Variants in LRFN2 observed in about 807,000 individuals in gnomAD.
LRFN2 encodes leucine rich repeat and fibronectin type III domain containing 2.
In LRFN2, 18 loss-of-function variants were observed where a neutral mutation model predicts 37.3. That is an observed-to-expected ratio of 0.48 (90% confidence interval 0.33 to 0.72). LRFN2 has a LOEUF of 0.72. Ranked by LOEUF, LRFN2 falls within the 30% of genes least tolerant of loss-of-function variation. The probability of loss-of-function intolerance (pLI) is 0.02; values close to 1 mark genes in which losing one functional copy is unlikely to be tolerated. For missense variants in LRFN2, 1,006 were observed against 1,060.7 expected (o/e 0.95, Z 0.72); for synonymous variants, 556 against 466.6 (o/e 1.19, Z -2.47).
At chr6:40,535,114 A>C (rs1581783117) in intron 1 of LRFN2, among the ~76,000 whole-genome samples, 1 of 152,288 alleles carries the variant, frequency 6.6e-6, no homozygotes, top group East Asian at 1.9e-4. Context: ...AGAAAGCAAG[A>C]TAAGGTCAAG....
At chr6:40,528,704 G>A (rs573585477) in intron 1 of LRFN2, among the ~76,000 whole-genome samples, 5 of 152,334 alleles carry the variant, frequency 3.3e-5, no homozygotes, top group African/African-American at 1.2e-4. Flanking sequence ...GTCTAGGAGT[G>A]TACTGAATGC....
At chr6:40,422,621 C>T (rs1289842950) in intron 2 of LRFN2, among the ~76,000 whole-genome samples, 1 of 152,142 alleles carries the variant, frequency 6.6e-6, no homozygotes, top group Non-Finnish European at 1.5e-5. Context: ...TGTGAATACG[C>T]ACACGCCTGG....
chr6:40,479,621 G>A (rs1474863734), intron 1 of LRFN2, among the ~76,000 whole-genome samples: 1 of 152,180 alleles, frequency 6.6e-6, no homozygotes, highest in Non-Finnish European at 1.5e-5. Flanking sequence ...AATCCTGAGT[G>A]GGTTTTGCTA....
intron 2 of LRFN2, among the ~76,000 whole-genome samples, chr6:40,418,238 C>T (rs977310032): frequency 7.9e-5 from 12 of 152,282 alleles, no homozygotes; most frequent in Middle Eastern, 3.4e-3. Context: ...CTGCCTGACT[C>T]TTTCACTCCA....
intron 1 of LRFN2, among the ~76,000 whole-genome samples, chr6:40,497,414 G>A (rs561864612): frequency 1.3e-5 from 2 of 152,196 alleles, no homozygotes; most frequent in South Asian, 4.2e-4. Context: ...TCTCTTCTGT[G>A]AGCCTTCCCT....
chr6:40,402,259 A>ATCCTGCCTCAG (rs1332863826), intron 2 of LRFN2, among the ~76,000 whole-genome samples: 1 of 152,218 alleles, frequency 6.6e-6, no homozygotes. Context: ...CCCTTATTAC[A>ATCCTGCCTCAG]GATGAAGAAA....
intron 1 of LRFN2, among the ~76,000 whole-genome samples, chr6:40,524,823 C>A (rs765212236): frequency 6.6e-6 from 1 of 152,190 alleles, no homozygotes; most frequent in Non-Finnish European, 1.5e-5. Flanking sequence ...ACCTCCACCC[C>A]CTGACCTCCA....
intron 1 of LRFN2, among the ~76,000 whole-genome samples, chr6:40,477,859 C>T (rs898613983): frequency 2.6e-5 from 4 of 152,182 alleles, no homozygotes; most frequent in Non-Finnish European, 5.9e-5. Flanking sequence ...AGAGACCCGA[C>T]GCTCCTCTCC....
At chr6:40,531,923 G>A (rs953102201) in intron 1 of LRFN2, among the ~76,000 whole-genome samples, 2 of 152,176 alleles carry the variant, frequency 1.3e-5, no homozygotes, top group Admixed American at 6.5e-5. Context: ...GGCACCTAAA[G>A]CAGTCTCCGT....
intron 1 of LRFN2, among the ~76,000 whole-genome samples, chr6:40,433,569 G>T (rs1763569228): frequency 6.6e-6 from 1 of 152,132 alleles, no homozygotes; most frequent in African/African-American, 2.4e-5. Context: ...CATATCATTG[G>T]CTTATCCAAT....
rs182064736 is a variant in LRFN2, at chr6:40,490,444, C to G, written c.-18-57313G>C. 2.0e-5 allele frequency among the ~76,000 whole-genome samples: 3 copies of G among 152,234 alleles called. No homozygotes were observed. In the East Asian group the frequency reaches 5.8e-4, roughly 30 times the overall value. On this transcript the variant is annotated intron_variant, in intron 1 of 2. Transcript: ENST00000338305. ...GGCTCAGGGCTCACCATGCAGCCAC[C>G]CTCAGAGCCCTGTGGCCCCCAGAGC...
chr6:40,474,252 G>T (rs761610703), intron 1 of LRFN2, among the ~76,000 whole-genome samples: 4 of 152,186 alleles, frequency 2.6e-5, no homozygotes, highest in Non-Finnish European at 5.9e-5. Context: ...AAATGAAGGT[G>T]TCAGCAGGCC....
intron 1 of LRFN2, among the ~76,000 whole-genome samples, chr6:40,575,110 C>A (rs1333554371): frequency 6.6e-6 from 1 of 152,148 alleles, no homozygotes; most frequent in Non-Finnish European, 1.5e-5. Context: ...CTACACAAGA[C>A]CCAGTCACCC....
At chr6:40,426,185 G>T (rs1161079479) in intron 2 of LRFN2, among the ~76,000 whole-genome samples, 1 of 152,232 alleles carries the variant, frequency 6.6e-6, no homozygotes, top group Non-Finnish European at 1.5e-5. Context: ...GCCATATTAT[G>T]TTGATCATGG....
chr6:40,572,327 T>C (rs967275087), intron 1 of LRFN2, among the ~76,000 whole-genome samples: 1 of 152,202 alleles, frequency 6.6e-6, no homozygotes, highest in Non-Finnish European at 1.5e-5. Flanking sequence ...CAGAGAGAAC[T>C]TTCTAGATCA....
At chr6:40,487,567 G>A (rs1193848441) in intron 1 of LRFN2, among the ~76,000 whole-genome samples, 1 of 152,266 alleles carries the variant, frequency 6.6e-6, no homozygotes, top group East Asian at 1.9e-4. Context: ...AGGGAGGTAG[G>A]CAGATAGCTG....
intron 1 of LRFN2, among the ~76,000 whole-genome samples, chr6:40,496,768 TG>T (rs1765237702): frequency 6.6e-6 from 1 of 152,142 alleles, no homozygotes; most frequent in Non-Finnish European, 1.5e-5. Context: ...TGCTTCCTCC[TG>T]CTAGAATATG....
At chr6:40,435,331 T>G (rs116458195) in intron 1 of LRFN2, among the ~76,000 whole-genome samples, 169 of 151,632 alleles carry the variant, frequency 1.1e-3, no homozygotes, top group African/African-American at 3.7e-3. Context: ...ATTATTTTTA[T>G]TTTTATTTTT....
intron 1 of LRFN2, among the ~76,000 whole-genome samples, chr6:40,573,948 C>T (rs1771310): frequency 0.12 from 17,614 of 152,154 alleles, 1,135 homozygotes; most frequent in Non-Finnish European, 0.12. Context: ...GCAACAAGAA[C>T]GAAACTTGTG....
Sources: allele counts gnomAD v4.1 joint callset (sites outside exome capture counted in the v4.1 genomes callset), GRCh38; gene constraint gnomAD v4.1.1; transcripts MANE v1.5; gene names NCBI Gene and HGNC (gene_info 2026-07-23, HGNC 2026-07-21).